Variants in MAP3K1 observed in about 807,000 individuals in gnomAD.
MAP3K1 encodes the protein MAP/ERK kinase kinase 1.
Under a neutral mutation model 144.2 loss-of-function variants are expected in MAP3K1, and 36 were observed. That is an observed-to-expected ratio of 0.25 (90% CI 0.19 to 0.33). The LOEUF (loss-of-function observed/expected upper bound fraction) is 0.33. Among genes scored for constraint, MAP3K1 ranks in the 10% least tolerant of loss-of-function variants. MAP3K1 has a pLI of 1.00. For synonymous variants in MAP3K1, 718 were observed against 688.7 expected (o/e 1.04, Z -0.67); for missense variants, 1,650 against 1,881.9 (o/e 0.88, Z 2.28).
chr5:56,845,355 T>C (rs1746956691), intron 1 of MAP3K1, among the ~76,000 whole-genome samples: 1 of 152,178 alleles, frequency 6.6e-6, no homozygotes. Flanking sequence ...TAACACTGAC[T>C]TGGGATCTTT....
chr5:56,834,550 G>A lies in MAP3K1; in HGVS notation c.482+18495G>A, dbSNP rs543964363. On this transcript the variant is annotated intron_variant, in intron 1 of 19. Transcript: ENST00000399503. Reference sequence around the variant, plus strand: ...AACATGGTAAAACCCCGTCTGTACTGTACAAAAAATTAGCTGGGCATGGTG... The same window carrying A: ...AACATGGTAAAACCCCGTCTGTACTATACAAAAAATTAGCTGGGCATGGTG... Among the ~76,000 whole-genome samples, 8 of 152,152 alleles carry A rather than the reference G, an allele frequency of 5.3e-5. No individual in the cohort carries two copies. In the East Asian group the frequency reaches 5.8e-4, roughly 11 times the overall value.
intron 1 of MAP3K1, among the ~76,000 whole-genome samples, chr5:56,825,085 A>G (rs1385082297): frequency 6.6e-6 from 1 of 152,096 alleles, no homozygotes; most frequent in Non-Finnish European, 1.5e-5. Flanking sequence ...TTGGTTCACC[A>G]CAACCTCCGC....
At chr5:56,816,819 G>C (rs147601444) in intron 1 of MAP3K1, among the ~76,000 whole-genome samples, 39 of 152,366 alleles carry the variant, frequency 2.6e-4, no homozygotes, top group South Asian at 1.7e-3. Flanking sequence ...CTGGGAATGC[G>C]AACTGCACTG....
intron 15 of MAP3K1, among the ~76,000 whole-genome samples, chr5:56,884,023 C>T (rs562679352): frequency 6.6e-6 from 1 of 152,180 alleles, no homozygotes; most frequent in East Asian, 1.9e-4. Context: ...GTGGTAGGCA[C>T]CTGTAGTCCC....
chr5:56,836,970 T>C (rs1409892736), intron 1 of MAP3K1, among the ~76,000 whole-genome samples: 4 of 152,210 alleles, frequency 2.6e-5, no homozygotes, highest in African/African-American at 9.6e-5. Flanking sequence ...TGGAATAAAA[T>C]TGACACTCTA....
chr5:56,856,686 A>G lies in MAP3K1; in HGVS notation c.569A>G (p.Lys190Arg). Residue 190 changes from lysine to arginine, a missense_variant, in exon 2 of 20, where the codon AAG becomes AGG. Physicochemically the swap from Lys to Arg is conservative, Grantham distance 26 (BLOSUM62 2). Coordinates refer to ENST00000399503, the MANE Select transcript of MAP3K1 (RefSeq NM_005921.2). ...PEERMIREKL[K>R]ATCMPAWKHE... ...GAACGAATGATCAGGGAGAAACTGA[A>G]GGCAACCTGTATGCCAGCCTGGAAG... The G allele has an allele frequency of 6.2e-7, 1 of 1,614,072 alleles. No individual in the cohort carries two copies. Among genetic ancestry groups the G allele is most frequent in the Non-Finnish European group, 8.5e-7 (1 of 1,179,936 alleles).
Position 56,820,517 on chromosome 5 carries a change from A to G in MAP3K1, c.482+4462A>G, listed in dbSNP as rs1357959750. 1.2e-5 allele frequency: 12 copies of G among 985,262 alleles called. No individual in the cohort carries two copies. In the Admixed American group the frequency reaches 1.8e-4, roughly 15 times the overall value. The allele number at this position is 985,262 out of a possible 1,614,324, so 61.0% of individuals were successfully genotyped here. On this transcript the variant is annotated intron_variant, in intron 1 of 19. Transcript: ENST00000399503. ...TGTAACCTGGCCTTGTATATGTAAT[A>G]CAAGTAAACTGTATTTGGATCACCC... is the stretch of plus-strand genomic sequence containing the variant.
intron 1 of MAP3K1, among the ~76,000 whole-genome samples, chr5:56,850,085 G>A (rs1421087466): frequency 5.3e-5 from 8 of 152,200 alleles, no homozygotes; most frequent in Admixed American, 4.6e-4. Flanking sequence ...CCTATCCTCA[G>A]TTTAAGTCAT....
Position 56,881,696 on chromosome 5 carries a change from T to A in MAP3K1, c.2496T>A (p.His832Gln), listed in dbSNP as rs757245131. The A allele has an allele frequency of 7.4e-6, 12 of 1,614,032 alleles. No homozygotes were observed. The highest frequency in any genetic ancestry group is 4.2e-6 in the Non-Finnish European group (5 of 1,179,992). Residue 832 changes from histidine to glutamine, a missense_variant, in exon 14 of 20, where the codon CAT becomes CAA. Transcript: ENST00000399503. ...SSARMVTTVP[H>Q]VFSKLLEMLS... The stretch of plus-strand genomic sequence containing the variant: ...CAAGAATGGTTACTACAGTACCCCA[T>A]GTGTTTTCAAAACTGTTAGAAATGC...
intron 1 of MAP3K1, among the ~76,000 whole-genome samples, chr5:56,847,009 C>T (rs1747018383): frequency 6.6e-6 from 1 of 152,168 alleles, no homozygotes; most frequent in East Asian, 1.9e-4. Flanking sequence ...TTCTGAGAGA[C>T]ATGAGTGTGC....
At chr5:56,830,234 A>G (rs1475628310) in intron 1 of MAP3K1, among the ~76,000 whole-genome samples, 1 of 152,218 alleles carries the variant, frequency 6.6e-6, no homozygotes, top group East Asian at 1.9e-4. Flanking sequence ...GCAGATTATA[A>G]TTGTGAATTT....
At chr5:56,844,842 G>C (rs1021648190) in intron 1 of MAP3K1, among the ~76,000 whole-genome samples, 5 of 150,982 alleles carry the variant, frequency 3.3e-5, no homozygotes, top group African/African-American at 9.7e-5. Context: ...GGAGTGGTTT[G>C]CTAGCATTCA....
chr5:56,873,125 C>T (rs951245260), intron 9 of MAP3K1, 120 bp downstream of exon 9: 28 of 882,032 alleles, frequency 3.2e-5, no homozygotes, highest in Non-Finnish European at 4.6e-5. Flanking sequence ...TCCATCATGA[C>T]CTTCATTCCA....
At position 56,881,760 on chromosome 5, in the gene MAP3K1, C is replaced by T. The variant is rs371287681; in HGVS notation, c.2560C>T (p.Arg854Cys). The change falls in exon 14 of 20, where the codon CGC becomes TGC. Residue 854 changes from arginine to cysteine, a missense_variant. This residue lies in a region of MAP3K1 where 841 missense variants were observed against 886.5 expected (regional missense o/e 0.95). Transcript: ENST00000399503. ...SSSTHFTRMR[R>C]RLMAIADEVE... ...TTCCACTCACTTCACCAGGATGCGT[C>T]GCCGTTTGATGGCTATTGCAGATGA... is the stretch of plus-strand genomic sequence containing the variant. The T allele has an allele frequency of 7.4e-5, 119 of 1,613,958 alleles. No homozygotes were observed. Among genetic ancestry groups the T allele is most frequent in the African/African-American group, 1.2e-4 (9 of 74,878 alleles).
At chr5:56,854,873 G>T (rs753221300) in intron 1 of MAP3K1, among the ~76,000 whole-genome samples, 45 of 152,192 alleles carry the variant, frequency 3.0e-4, no homozygotes, top group Middle Eastern at 3.2e-3. Context: ...CCACTGTGAG[G>T]CTTATTTTTT....
chr5:56,873,127 T>G, intron 9 of MAP3K1, 122 bp downstream of exon 9: 1 of 857,264 alleles, frequency 1.2e-6, no homozygotes, highest in Non-Finnish European at 1.9e-6. Context: ...CATCATGACC[T>G]TCATTCCACT....
intron 11 of MAP3K1, among the ~76,000 whole-genome samples, chr5:56,879,823 A>G (rs967377125): frequency 2.6e-5 from 4 of 152,184 alleles, no homozygotes; most frequent in Non-Finnish European, 4.4e-5. Context: ...ATTTCTTTCT[A>G]TCCCAGCAGA....
intron 2 of MAP3K1, among the ~76,000 whole-genome samples, chr5:56,858,395 G>A (rs1377356752): frequency 2.6e-5 from 4 of 152,196 alleles, no homozygotes; most frequent in Admixed American, 6.5e-5. Flanking sequence ...AAGTACCAAA[G>A]TACCTTGTCT....
chr5:56,834,407 A>G (rs923579968), intron 1 of MAP3K1, among the ~76,000 whole-genome samples: 1 of 152,220 alleles, frequency 6.6e-6, no homozygotes, highest in East Asian at 1.9e-4. Context: ...TGTAGGTTCT[A>G]CCTGGATGTG....
Sources: allele counts gnomAD v4.1 joint callset (sites outside exome capture counted in the v4.1 genomes callset), GRCh38; gene constraint gnomAD v4.1.1; regional missense constraint gnomAD v4.1.1; transcripts MANE v1.5; gene names NCBI Gene and HGNC (gene_info 2026-07-23, HGNC 2026-07-21).